ARL15: variants seen among roughly 807,000 people sequenced by gnomAD.
ARL15 encodes ARF like GTPase 15.
Under a neutral mutation model 25.2 loss-of-function variants are expected in ARL15, and 19 were observed. The observed-to-expected ratio is 0.75, with a 90% CI of 0.53 to 1.10. The LOEUF (loss-of-function observed/expected upper bound fraction) is 1.10, where lower values mean the gene tolerates loss of function less well. Ranked by LOEUF, ARL15 falls within the 50% of genes least tolerant of loss-of-function variation. ARL15 has a pLI of 0.00. For missense variants in ARL15, 220 were observed against 246.0 expected, an observed-to-expected ratio of 0.89 and a Z score of 0.71; for synonymous variants, 94 against 86.8, an observed-to-expected ratio of 1.08 and a Z score of -0.46.
intron 4 of ARL15, among the ~76,000 whole-genome samples, chr5:54,016,503 C>G (rs747524702): frequency 2.0e-5 from 3 of 152,206 alleles, no homozygotes; most frequent in Non-Finnish European, 4.4e-5. Flanking sequence ...TATTTTTAAA[C>G]AAGAAGCCCC....
intron 4 of ARL15, among the ~76,000 whole-genome samples, chr5:53,952,666 T>G (rs1456465103): frequency 1.3e-5 from 2 of 152,212 alleles, no homozygotes; most frequent in East Asian, 3.8e-4. Flanking sequence ...CAATTTTTAT[T>G]TAAGAAATGA....
chr5:54,263,333 T>C (rs1157833851), intron 1 of ARL15, among the ~76,000 whole-genome samples: 1 of 152,092 alleles, frequency 6.6e-6, no homozygotes, highest in Admixed American at 6.6e-5. Context: ...ACTGTCACTG[T>C]TAACAAATAA....
At chr5:53,916,170 A>G (rs2035771) in intron 4 of ARL15, among the ~76,000 whole-genome samples, 142,492 of 152,048 alleles carry the variant, frequency 0.94, 67,341 homozygotes, top group Non-Finnish European at 1. Context: ...GATTACAGGC[A>G]TGAGGCACTG....
intron 1 of ARL15, among the ~76,000 whole-genome samples, chr5:54,305,668 G>C (rs1206005671): frequency 6.6e-6 from 1 of 152,108 alleles, no homozygotes; most frequent in Non-Finnish European, 1.5e-5. Flanking sequence ...ATTAGGCATA[G>C]TAAGTGATTA....
intron 1 of ARL15, among the ~76,000 whole-genome samples, chr5:54,208,875 C>T (rs4865808): frequency 0.62 from 94,735 of 152,006 alleles, 30,110 homozygotes; most frequent in African/African-American, 0.73. Flanking sequence ...ATCAGAAGCT[C>T]TGAGAGAATG....
chr5:54,156,301 T>C (rs1028711607), intron 2 of ARL15, among the ~76,000 whole-genome samples: 1 of 152,236 alleles, frequency 6.6e-6, no homozygotes, highest in African/African-American at 2.4e-5. Context: ...TTATTAGCTC[T>C]GTGAATGTGG....
At chr5:54,114,920 C>T (rs1243430872) in intron 3 of ARL15, among the ~76,000 whole-genome samples, 1 of 152,184 alleles carries the variant, frequency 6.6e-6, no homozygotes, top group African/African-American at 2.4e-5. Context: ...AACTGTATTT[C>T]AGTCATCCAC....
At chr5:54,257,342 T>A (rs10471386) in intron 1 of ARL15, among the ~76,000 whole-genome samples, 20,887 of 152,134 alleles carry the variant, frequency 0.14, 2,523 homozygotes, top group African/African-American at 0.32. Context: ...AGATCTCTAC[T>A]AGGAGATATA....
At chr5:53,982,417 T>G (rs1748153647) in intron 4 of ARL15, among the ~76,000 whole-genome samples, 1 of 147,380 alleles carries the variant, frequency 6.8e-6, no homozygotes, top group African/African-American at 2.5e-5. Context: ...CTCCCACCTA[T>G]GAGTGAGAAC....
At chr5:54,145,974 A>T (rs1264676931) in intron 3 of ARL15, among the ~76,000 whole-genome samples, 1 of 151,608 alleles carries the variant, frequency 6.6e-6, no homozygotes, top group Non-Finnish European at 1.5e-5. Context: ...CTTTTCGTAG[A>T]CTCTTTTCCT....
chr5:53,945,426 CAGTT>C (rs1246442334), intron 4 of ARL15, among the ~76,000 whole-genome samples: 27 of 152,140 alleles, frequency 1.8e-4, no homozygotes, highest in African/African-American at 6.3e-4. Context: ...TTCGTTAACT[CAGTT>C]TGTTTAGGTC....
At chr5:53,986,541 C>T (rs1416176594) in intron 4 of ARL15, among the ~76,000 whole-genome samples, 2 of 152,190 alleles carry the variant, frequency 1.3e-5, no homozygotes. Flanking sequence ...TAGGAATCTG[C>T]ATTTTATCAA....
At chr5:54,006,161 G>A (rs948874243) in intron 4 of ARL15, among the ~76,000 whole-genome samples, 6 of 151,726 alleles carry the variant, frequency 4.0e-5, no homozygotes, top group Admixed American at 3.9e-4. Flanking sequence ...CCAGAAGCCT[G>A]GTTCCATCCA....
intron 1 of ARL15, among the ~76,000 whole-genome samples, chr5:54,238,181 G>C (rs1291802796): frequency 2.0e-5 from 3 of 152,106 alleles, no homozygotes; most frequent in African/African-American, 4.8e-5. Context: ...AATGGGAATG[G>C]AAAACGAGGG....
chr5:54,061,416 C>A (rs975675936), intron 4 of ARL15, among the ~76,000 whole-genome samples: 11 of 152,074 alleles, frequency 7.2e-5, no homozygotes, highest in African/African-American at 2.7e-4. Context: ...TCGAGACCAG[C>A]CTGACTACCA....
chr5:54,017,579 T>A (rs1463491565), intron 4 of ARL15, among the ~76,000 whole-genome samples: 1 of 103,758 alleles, frequency 9.6e-6, no homozygotes. Flanking sequence ...ATCAGTGCCT[T>A]TGTGGAAGAA....
chr5:54,109,409 G>A (rs1752677261), intron 4 of ARL15, among the ~76,000 whole-genome samples: 1 of 151,930 alleles, frequency 6.6e-6, no homozygotes, highest in Non-Finnish European at 1.5e-5. Context: ...AATATAGACT[G>A]TTTCATGTTA....
intron 4 of ARL15, among the ~76,000 whole-genome samples, chr5:53,889,511 C>T (rs896654603): frequency 6.6e-6 from 1 of 152,118 alleles, no homozygotes; most frequent in Admixed American, 6.5e-5. Flanking sequence ...ATAAAGGGGC[C>T]TAGTGGTGTT....
At chr5:53,947,977 A>G (rs1361927327) in intron 4 of ARL15, among the ~76,000 whole-genome samples, 2 of 152,206 alleles carry the variant, frequency 1.3e-5, no homozygotes, top group Non-Finnish European at 2.9e-5. Flanking sequence ...TAAAGAAAAT[A>G]GAAATTAAAT....
Sources: gnomAD v4.1 joint callset for allele counts (sites outside exome capture counted in the v4.1 genomes callset) on GRCh38, gnomAD v4.1.1 for gene constraint, MANE v1.5 for transcripts, NCBI Gene and HGNC (gene_info 2026-07-23, HGNC 2026-07-21) for gene names.